The following IL1RAPL1 variants were observed in gnomAD, a reference collection of about 807,000 sequenced individuals.
IL1RAPL1 encodes interleukin-1 receptor accessory protein-like 1.
IL1RAPL1 carries 3 observed loss-of-function variants against 48.4 expected under a neutral mutation model. That is an observed-to-expected ratio of 0.06 (90% CI 0.03 to 0.16). The LOEUF (loss-of-function observed/expected upper bound fraction) is 0.16. Among genes scored for constraint, IL1RAPL1 ranks in the 10% least tolerant of loss-of-function variants. IL1RAPL1 has a pLI of 1.00. For missense variants in IL1RAPL1, 349 were observed against 530.6 expected (o/e 0.66, Z 3.36); for synonymous variants, 185 against 187.7 (o/e 0.99, Z 0.12).
intron 5 of IL1RAPL1, among the ~76,000 whole-genome samples, chrX:29,534,708 C>T (rs1290534004): frequency 9.0e-6 from 1 of 110,648 alleles, no homozygotes; most frequent in African/African-American, 3.3e-5. Flanking sequence ...GTGGCTCATG[C>T]CTGTAATCCC....
intron 1 of IL1RAPL1, 124 bp from the exon 2 acceptor site, chrX:28,789,196 A>G: frequency 2.2e-6 from 1 of 457,593 alleles, no homozygotes; most frequent in Non-Finnish European, 3.8e-6. Context: ...AATCCTGGTT[A>G]TATTCTTTCC....
chrX:29,891,428 G>A (rs1237261220), intron 6 of IL1RAPL1, among the ~76,000 whole-genome samples: 1 of 111,440 alleles, frequency 9.0e-6, no homozygotes, highest in Non-Finnish European at 1.9e-5. Context: ...TCACTGACAG[G>A]CTTTTTAGTC....
intron 3 of IL1RAPL1, among the ~76,000 whole-genome samples, chrX:29,294,438 GA>G (rs1932418858): frequency 9.3e-6 from 1 of 107,154 alleles, no homozygotes; most frequent in Non-Finnish European, 1.9e-5. Context: ...TGAGGCAGAA[GA>G]ATGGCGTGAA....
chrX:29,141,661 G>A (rs145273844), intron 2 of IL1RAPL1, among the ~76,000 whole-genome samples: 1,674 of 111,017 alleles, frequency 0.015, 35 homozygotes, highest in African/African-American at 0.052. Flanking sequence ...TTATCTTCTG[G>A]GTGAGAAATG....
At chrX:29,319,364 ATTTTTTTT>A (rs762918998) in intron 3 of IL1RAPL1, among the ~76,000 whole-genome samples, 1 of 58,137 alleles carries the variant, frequency 1.7e-5, no homozygotes. Context: ...GATAAATTTA[ATTTTTTTT>A]TTTTTTTTTT....
chrX:28,951,321 A>T (rs1289353446), intron 2 of IL1RAPL1, among the ~76,000 whole-genome samples: 1 of 109,589 alleles, frequency 9.1e-6, no homozygotes, highest in Non-Finnish European at 1.9e-5. Context: ...ACCAAAATTT[A>T]TAGACTTGTA....
chrX:29,633,811 GTTCTC>G (rs200544486), intron 5 of IL1RAPL1, among the ~76,000 whole-genome samples: 7,617 of 110,653 alleles, frequency 0.069, 652 homozygotes, highest in African/African-American at 0.24. Flanking sequence ...TCCTTCCTGT[GTTCTC>G]TTCTCTTCTG....
chrX:29,685,967 AGAGT>A (rs1926604205), intron 6 of IL1RAPL1, among the ~76,000 whole-genome samples: 1 of 109,856 alleles, frequency 9.1e-6, no homozygotes, highest in African/African-American at 3.3e-5. Context: ...CCTGGGCAAT[AGAGT>A]GAGACTCCGT....
At chrX:29,740,367 A>T (rs746267546) in intron 6 of IL1RAPL1, among the ~76,000 whole-genome samples, 40 of 111,376 alleles carry the variant, frequency 3.6e-4, no homozygotes, top group African/African-American at 1.3e-3. Flanking sequence ...GCTTCCTAAT[A>T]AAAATATCCA....
At position 29,616,585 on chromosome X, in the gene IL1RAPL1, T is replaced by A. The variant is rs756830901; in HGVS notation, c.704-51845T>A. On this transcript the variant is annotated intron_variant, in intron 5 of 10. Coordinates refer to ENST00000378993, the MANE Select transcript of IL1RAPL1 (RefSeq NM_014271.4). ...ATGAGTGAGAACATGCGGTGTTTGG[T>A]TTTTTGTCCTTGTAGTAGTTTGCTG... 5.6e-5 allele frequency among the ~76,000 whole-genome samples: 6 copies of A among 107,303 alleles called. No individual in the cohort carries two copies. The South Asian group carries it at 2.6e-3, about 46-fold the overall frequency. The allele number at this position is 107,303 out of a possible 115,157, so 93.2% of individuals were successfully genotyped here.
intron 2 of IL1RAPL1, among the ~76,000 whole-genome samples, chrX:29,208,132 A>C (rs991639510): frequency 1.8e-5 from 2 of 111,696 alleles, no homozygotes; most frequent in African/African-American, 6.5e-5. Context: ...CGGTATGAGC[A>C]GAATCATGCA....
At chrX:29,752,797 A>G (rs1422210888) in intron 6 of IL1RAPL1, among the ~76,000 whole-genome samples, 1 of 111,966 alleles carries the variant, frequency 8.9e-6, no homozygotes, top group Non-Finnish European at 1.9e-5. Context: ...AGTTAGTAAA[A>G]GTAATCACTC....
intron 6 of IL1RAPL1, among the ~76,000 whole-genome samples, chrX:29,702,870 C>A (rs769428935): frequency 2.7e-5 from 3 of 112,247 alleles, no homozygotes; most frequent in African/African-American, 9.7e-5. Context: ...ATATACAGAG[C>A]ACATGAATAA....
intron 2 of IL1RAPL1, among the ~76,000 whole-genome samples, chrX:28,792,787 CAAAAAAAAAAAAA>C (rs1189410830): frequency 1.0e-4 from 1 of 9,721 alleles, no homozygotes; most frequent in Non-Finnish European, 1.3e-4. Context: ...GACTCCATCT[CAAAAAAAAAAAAA>C]AAAAAAAAAA....
intron 2 of IL1RAPL1, among the ~76,000 whole-genome samples, chrX:29,227,666 ATAATT>A (rs1569264603): frequency 8.9e-6 from 1 of 112,157 alleles, no homozygotes; most frequent in Non-Finnish European, 1.9e-5. Context: ...TCTGGAATGA[ATAATT>A]TAATTTGAAA....
intron 6 of IL1RAPL1, among the ~76,000 whole-genome samples, chrX:29,785,113 A>T (rs1929462807): frequency 8.9e-6 from 1 of 112,239 alleles, no homozygotes; most frequent in Admixed American, 9.5e-5. Flanking sequence ...AAATTTGTTA[A>T]TAAATATGCT....
intron 6 of IL1RAPL1, among the ~76,000 whole-genome samples, chrX:29,743,539 G>A (rs2147137133): frequency 9.0e-6 from 1 of 111,617 alleles, no homozygotes; most frequent in East Asian, 2.8e-4. Flanking sequence ...AGGCTGGAGT[G>A]CAGTGGCACG....
At chrX:29,256,906 A>G (rs1187644887) in intron 2 of IL1RAPL1, among the ~76,000 whole-genome samples, 2 of 111,569 alleles carry the variant, frequency 1.8e-5, no homozygotes, top group African/African-American at 3.2e-5. Context: ...CTTGATGTCC[A>G]CACATATAAT....
At chrX:28,704,699 T>A in intron 1 of IL1RAPL1, among the ~76,000 whole-genome samples, 1 of 106,257 alleles carries the variant, frequency 9.4e-6, no homozygotes, top group African/African-American at 3.5e-5. Context: ...GGAGATCATA[T>A]TTGAGCCCAG....
Sources: gnomAD v4.1 joint callset for allele counts (sites outside exome capture counted in the v4.1 genomes callset) on GRCh38, gnomAD v4.1.1 for gene constraint, MANE v1.5 for transcripts, NCBI Gene and HGNC (gene_info 2026-07-23, HGNC 2026-07-21) for gene names.